Variants in DHX57 observed in about 807,000 individuals in gnomAD.
The protein encoded by DHX57 is putative ATP-dependent RNA helicase DHX57.
A neutral mutation model predicts 156.2 loss-of-function variants in DHX57; 105 were observed. The observed-to-expected ratio is 0.67, with a 90% CI of 0.57 to 0.79. The LOEUF (loss-of-function observed/expected upper bound fraction) is 0.79, where lower values mean the gene tolerates loss of function less well. Ranked by LOEUF, DHX57 falls within the 30% of genes least tolerant of loss-of-function variation. The probability of loss-of-function intolerance (pLI) is 0.00; values close to 1 mark genes in which losing one functional copy is unlikely to be tolerated. For missense variants in DHX57, 1,847 were observed against 1,661.9 expected (o/e 1.11, Z -1.94); for synonymous variants, 704 against 595.6 (o/e 1.18, Z -2.65).
chr2:38,831,433 G>T (rs142324198), intron 13 of DHX57, among the ~76,000 whole-genome samples: 131 of 151,530 alleles, frequency 8.6e-4, no homozygotes, highest in African/African-American at 3.0e-3. Context: ...GGGTTCAAGC[G>T]ATTCTCCTGC....
intron 19 of DHX57, 135 bp downstream of exon 19, chr2:38,818,742 A>ATT (rs1670668398): frequency 2.1e-6 from 2 of 966,520 alleles, no homozygotes; most frequent in African/African-American, 3.3e-5. Flanking sequence ...TCCATTTTAC[A>ATT]CGGCTGGTAA....
At position 38,863,530 on chromosome 2, in the gene DHX57, C is replaced by A. The variant is rs770902562; in HGVS notation, c.225-11G>T. The A allele has an allele frequency of 3.7e-6, 6 of 1,605,142 alleles. No homozygotes were observed. The highest frequency in any genetic ancestry group is 1.1e-5 in the South Asian group (1 of 89,320). ...TTACTGTTGCTAGGTCTATAGAGAA[C>A]AAAAGAGCAAAATTACACACATATC... On this transcript the variant is annotated splice_polypyrimidine_tract_variant and intron_variant, in intron 2 of 23. Transcript: ENST00000457308.
chr2:38,815,278 T>C (rs572848199), intron 20 of DHX57, among the ~76,000 whole-genome samples: 11 of 152,042 alleles, frequency 7.2e-5, no homozygotes, highest in African/African-American at 2.7e-4. Flanking sequence ...TTGCTCTGGC[T>C]GGTCTCGAAC....
intron 4 of DHX57, 61 bp from the exon 5 acceptor site, chr2:38,861,898 A>G (rs1422042579): frequency 6.8e-7 from 1 of 1,477,972 alleles, no homozygotes; most frequent in Non-Finnish European, 9.1e-7. Flanking sequence ...CCATTACAGT[A>G]AAATTCATTT....
At chr2:38,816,331 T>C (rs1670546019) in intron 19 of DHX57, 2 of 431,548 alleles carry the variant, frequency 4.6e-6, no homozygotes, top group Non-Finnish European at 9.2e-6. Flanking sequence ...TCTCTTGCCT[T>C]AACCTCCCGA....
chr2:38,810,940 G>T, intron 21 of DHX57: 2 of 837,892 alleles, frequency 2.4e-6, no homozygotes, highest in South Asian at 1.3e-5. Context: ...CACCAAGGAG[G>T]TCTGGTGGGT....
At chr2:38,854,316 A>C in intron 8 of DHX57, 138 bp from the exon 9 acceptor site, 2 of 792,538 alleles carry the variant, frequency 2.5e-6, no homozygotes, top group Non-Finnish European at 1.9e-6. Context: ...AACCATACTA[A>C]ACATAGTTTC....
intron 1 of DHX57, among the ~76,000 whole-genome samples, chr2:38,873,687 G>A (rs1459925414): frequency 1.3e-5 from 2 of 152,154 alleles, no homozygotes; most frequent in Admixed American, 6.5e-5. Context: ...AATATTTATT[G>A]AGCACTTATT....
chr2:38,871,858 C>T (rs947358804), intron 1 of DHX57, among the ~76,000 whole-genome samples: 7 of 151,992 alleles, frequency 4.6e-5, no homozygotes, highest in South Asian at 4.2e-4. Context: ...AGGTGACCGC[C>T]GCCGGCTAAG....
intron 1 of DHX57, among the ~76,000 whole-genome samples, chr2:38,871,710 CTT>C (rs145199958): frequency 1.1e-4 from 15 of 136,642 alleles, no homozygotes; most frequent in Non-Finnish European, 7.9e-5. Flanking sequence ...ATAACTCATT[CTT>C]TTTTTTTTTT....
intron 6 of DHX57, among the ~76,000 whole-genome samples, chr2:38,857,465 C>T (rs12373604): frequency 6.6e-6 from 1 of 151,980 alleles, no homozygotes; most frequent in African/African-American, 2.4e-5. Context: ...TTATCATAAA[C>T]TTATCACACT....
chr2:38,816,073 T>C (rs760362120), intron 19 of DHX57: 1 of 466,508 alleles, frequency 2.1e-6, no homozygotes, highest in Non-Finnish European at 4.4e-6. Flanking sequence ...GCATTTTTGC[T>C]CCTGTCCTCT....
At chr2:38,867,783 C>G (rs1665154895) in intron 2 of DHX57, among the ~76,000 whole-genome samples, 1 of 152,146 alleles carries the variant, frequency 6.6e-6, no homozygotes, top group African/African-American at 2.4e-5. Context: ...GTCTCGAACT[C>G]CTGACCTCAA....
intron 2 of DHX57, among the ~76,000 whole-genome samples, chr2:38,863,751 G>A (rs1007947550): frequency 2.0e-5 from 3 of 151,876 alleles, no homozygotes; most frequent in Admixed American, 6.6e-5. Flanking sequence ...AGTGGCTCAC[G>A]CCTGTAATCC....
intron 13 of DHX57, among the ~76,000 whole-genome samples, chr2:38,835,730 G>T (rs1444811355): frequency 6.6e-6 from 1 of 152,210 alleles, no homozygotes; most frequent in Non-Finnish European, 1.5e-5. Context: ...CATTGAAGAT[G>T]CCACGGTTGT....
intron 16 of DHX57, 32 bp from the exon 17 acceptor site, chr2:38,823,301 T>C (rs1558368400): frequency 6.3e-7 from 1 of 1,591,560 alleles, no homozygotes; most frequent in African/African-American, 1.3e-5. Context: ...AATTTGTCAA[T>C]TTTATTTCTG....
chr2:38,843,292 G>C (rs1415717958), intron 11 of DHX57, 82 bp from the exon 12 acceptor site: 30 of 1,424,674 alleles, frequency 2.1e-5, no homozygotes, highest in Non-Finnish European at 2.8e-5. Flanking sequence ...TCACGTGCTC[G>C]TTCAGCAAAA....
chr2:38,859,467 T>G (rs1372747694), intron 5 of DHX57, among the ~76,000 whole-genome samples: 1 of 152,210 alleles, frequency 6.6e-6, no homozygotes, highest in African/African-American at 2.4e-5. Context: ...AGGTGGTTAT[T>G]GTTGCATAAT....
At position 38,861,555 on chromosome 2, in the gene DHX57, G is replaced by A. The variant is rs1167612265; in HGVS notation, c.855C>T (p.Phe285=). 5 of 1,614,132 alleles carry A rather than the reference G, an allele frequency of 3.1e-6. No individual in the cohort carries two copies. The highest frequency in any genetic ancestry group is 4.2e-6 in the Non-Finnish European group (5 of 1,180,014). The change falls in exon 5 of 24, where the codon TTC becomes TTT. Residue 285 remains phenylalanine, a synonymous_variant. Coordinates refer to ENST00000457308, the MANE Select transcript of DHX57 (RefSeq NM_198963.3). ...GLELEYLTSR[F]RKSKPKESTK... ...TACTTTCTTTTGGCTTGGATTTGCG[G>A]AATCTACTTGTCAGATACTCCAGTT...
Sources: gnomAD v4.1 joint callset for allele counts (sites outside exome capture counted in the v4.1 genomes callset) on GRCh38, gnomAD v4.1.1 for gene constraint, MANE v1.5 for transcripts, NCBI Gene and HGNC (gene_info 2026-07-23, HGNC 2026-07-21) for gene names.